ZNF469: variants seen among roughly 807,000 people sequenced by gnomAD.
ZNF469 encodes the protein zinc finger protein 469.
In ZNF469, 1 loss-of-function variant was observed where a neutral mutation model predicts 1.0. The observed-to-expected ratio is 1.00, with a 90% CI of 0.35 to 4.73. The LOEUF (loss-of-function observed/expected upper bound fraction) is 4.73. Ranked by LOEUF, ZNF469 falls within the 30% of genes most tolerant of loss-of-function variation. The probability of loss-of-function intolerance (pLI) is 0.16; values close to 1 mark genes in which losing one functional copy is unlikely to be tolerated. For missense variants in ZNF469, 6,100 were observed against 5,356.3 expected (o/e 1.14, Z -4.33); for synonymous variants, 2,703 against 2,363.4 (o/e 1.14, Z -4.17).
the ZNF469 span, among the ~76,000 whole-genome samples, chr16:88,261,311 C>G: frequency 6.6e-6 from 1 of 152,348 alleles, no homozygotes. This position sits in a 1 kb window ranked among gnomAD's most constrained non-coding sequence, Gnocchi z 6.0. Context: ...TCACACGGCA[C>G]CACCTGCCCC....
the ZNF469 span, among the ~76,000 whole-genome samples, chr16:88,157,273 T>C: frequency 1.3e-5 from 2 of 152,036 alleles, no homozygotes; most frequent in African/African-American, 4.8e-5. Flanking sequence ...CCCTGAACAC[T>C]CGGTGCCTGA....
chr16:88,243,992 G>A, the ZNF469 span, among the ~76,000 whole-genome samples: 1 of 136,432 alleles, frequency 7.3e-6, no homozygotes, highest in African/African-American at 2.7e-5. Flanking sequence ...ATGAGTCAAT[G>A]AGTGAATGGA....
the ZNF469 span, among the ~76,000 whole-genome samples, chr16:88,362,198 T>C: frequency 6.6e-6 from 1 of 152,226 alleles, no homozygotes; most frequent in African/African-American, 2.4e-5. Context: ...CTGGTAAGAT[T>C]ATCATTGGAA....
the ZNF469 span, among the ~76,000 whole-genome samples, chr16:88,235,059 C>T: frequency 6.6e-6 from 1 of 152,186 alleles, no homozygotes; most frequent in Admixed American, 6.5e-5. Flanking sequence ...TCCTGCAGGG[C>T]CCCGGCCTTC....
At chr16:88,156,078 C>T in the ZNF469 span, among the ~76,000 whole-genome samples, 269 of 152,264 alleles carry the variant, frequency 1.8e-3, 3 homozygotes, top group Middle Eastern at 6.8e-3. Context: ...TTCTTTTGCC[C>T]ATATATTAAT....
rs1390706893 is a variant in ZNF469, at chr16:88,437,733, C to G, written c.10263C>G (p.Ser3421Arg). Residue 3421 changes from serine (S) to arginine (R), a missense_variant, in exon 3 of 3, where the codon AGC becomes AGG. Transcript: ENST00000565624. ...MRIIKKSFAC[S>R]SCNYTFAKKE... ...TCATCAAGAAGTCCTTCGCCTGCAG[C>G]TCCTGCAACTACACCTTCGCCAAGA... The G allele has an allele frequency of 1.3e-6, 2 of 1,549,844 alleles. No individual in the cohort carries two copies. The highest frequency in any genetic ancestry group is 1.2e-5 in the South Asian group (1 of 84,064).
At chr16:88,420,084 G>C (rs143914295) in intron 1 of ZNF469, among the ~76,000 whole-genome samples, 1 of 152,260 alleles carries the variant, frequency 6.6e-6, no homozygotes, top group Admixed American at 6.5e-5. Context: ...GGTTCCATGT[G>C]TGGGGAAGAC....
the ZNF469 span, among the ~76,000 whole-genome samples, chr16:88,317,832 T>A: frequency 6.6e-6 from 1 of 152,204 alleles, no homozygotes; most frequent in Non-Finnish European, 1.5e-5. Context: ...GTTTAAGGAT[T>A]CACCATACTT....
the ZNF469 span, among the ~76,000 whole-genome samples, chr16:88,206,025 G>A: frequency 3.5e-4 from 53 of 152,142 alleles, no homozygotes; most frequent in African/African-American, 4.6e-4. Flanking sequence ...GCACAGGGGC[G>A]CCCAGGCCTG....
chr16:88,275,926 A>G, the ZNF469 span, among the ~76,000 whole-genome samples: 1 of 152,162 alleles, frequency 6.6e-6, no homozygotes. Flanking sequence ...GATGGAGACC[A>G]AGGGGCTGGA....
At chr16:88,215,709 A>G in the ZNF469 span, among the ~76,000 whole-genome samples, 3 of 151,930 alleles carry the variant, frequency 2.0e-5, no homozygotes, top group Non-Finnish European at 4.4e-5. Flanking sequence ...TTTTAAATCA[A>G]TAAAAAAAAA....
intron 1 of ZNF469, among the ~76,000 whole-genome samples, chr16:88,422,134 T>A (rs1459279413): frequency 3.6e-5 from 5 of 138,986 alleles, no homozygotes; most frequent in African/African-American, 8.3e-5. Context: ...GATGGGTGAG[T>A]GATGGGTGAA....
rs1173181554 is a variant in ZNF469, at chr16:88,430,654, C to T, written c.3184C>T (p.His1062Tyr). ...GATCGTGCAGCAGAAGAACAGGCGC[C>T]ACCGGCGGCTGGGGCGGCGGGCGGG... ...LKIVQQKNRR[H>Y]RRLGRRAGRC... The change falls in exon 3 of 3, where the codon CAC (histidine) becomes TAC (tyrosine). Residue 1062 changes from histidine to tyrosine, a missense_variant. His to Tyr is a moderately conservative substitution (Grantham distance 83, BLOSUM62 2). Coordinates refer to ENST00000565624, the MANE Select transcript of ZNF469 (RefSeq NM_001367624.2). The T allele has an allele frequency of 6.7e-7, 1 of 1,493,886 alleles. No individual in the cohort carries two copies. The highest frequency in any genetic ancestry group is 2.2e-5 in the Admixed American group (1 of 46,236). The allele number at this position is 1,493,886 out of a possible 1,614,324, so 92.5% of individuals were successfully genotyped here.
the ZNF469 span, among the ~76,000 whole-genome samples, chr16:88,140,267 G>A: frequency 5.9e-5 from 9 of 152,126 alleles, no homozygotes; most frequent in Admixed American, 2.0e-4. Context: ...AAAAGTGGCC[G>A]GGGAAATACA....
chr16:88,228,675 GAC>G, the ZNF469 span, among the ~76,000 whole-genome samples: 1 of 152,196 alleles, frequency 6.6e-6, no homozygotes, highest in African/African-American at 2.4e-5. Flanking sequence ...GGACCAAAAA[GAC>G]ACCAAAGCCA....
the ZNF469 span, among the ~76,000 whole-genome samples, chr16:88,203,208 C>G: frequency 4.5e-3 from 685 of 152,252 alleles, 9 homozygotes; most frequent in African/African-American, 0.016. Context: ...GAGTGAGGAA[C>G]CCCCCAGGGA....
chr16:88,226,121 G>A, the ZNF469 span, among the ~76,000 whole-genome samples: 26 of 152,274 alleles, frequency 1.7e-4, no homozygotes, highest in African/African-American at 6.0e-4. Context: ...GAGATTTTTC[G>A]CAGGCGTCTG....
chr16:88,111,768 C>G, the ZNF469 span, among the ~76,000 whole-genome samples: 1 of 152,040 alleles, frequency 6.6e-6, no homozygotes, highest in East Asian at 1.9e-4. Flanking sequence ...TCCTGTGTAG[C>G]TGAGACTACA....
chr16:88,362,863 A>G, the ZNF469 span, among the ~76,000 whole-genome samples: 1 of 152,114 alleles, frequency 6.6e-6, no homozygotes, highest in Non-Finnish European at 1.5e-5. Flanking sequence ...AGACCTTTTG[A>G]TATTGTCCTG....
Sources: allele counts gnomAD v4.1 joint callset (sites outside exome capture counted in the v4.1 genomes callset), GRCh38; gene constraint gnomAD v4.1.1; non-coding constraint Gnocchi (gnomAD v3.1); transcripts MANE v1.5; gene names NCBI Gene and HGNC (gene_info 2026-07-23, HGNC 2026-07-21).